ITGAE: variants seen among roughly 807,000 people sequenced by gnomAD.
The protein encoded by ITGAE is integrin subunit alpha E.
Under a neutral mutation model 136.5 loss-of-function variants are expected in ITGAE, and 99 were observed. The ratio of observed to expected loss-of-function variants is 0.73; its 90% CI spans 0.62 to 0.86. The LOEUF is 0.86. Among genes scored for constraint, ITGAE ranks in the 40% least tolerant of loss-of-function variants. ITGAE has a pLI of 0.00. For synonymous variants in ITGAE, 613 were observed against 591.8 expected, an observed-to-expected ratio of 1.04 and a Z score of -0.52; for missense variants, 1,447 against 1,515.3, an observed-to-expected ratio of 0.95 and a Z score of 0.75.
At position 3,747,902 on chromosome 17, in the gene ITGAE, C is replaced by A; in HGVS notation, c.2155+20G>T. ...AAAGACCATCACACCAGGCAGGGGTCAGCTGGACCATTTTTTTACCTGACT... is the reference window on the plus strand; with the variant it reads ...AAAGACCATCACACCAGGCAGGGGTAAGCTGGACCATTTTTTTACCTGACT... On this transcript the variant is annotated intron_variant, in intron 17 of 30. Coordinates refer to ENST00000263087, the MANE Select transcript of ITGAE (RefSeq NM_002208.5). 6.7e-7 allele frequency: 1 copy of A among 1,494,898 alleles called. No homozygotes were observed. Among genetic ancestry groups the A allele is most frequent in the South Asian group, 1.1e-5 (1 of 89,270 alleles). The allele number at this position is 1,494,898 out of a possible 1,614,324, so 92.6% of individuals were successfully genotyped here. A position where few individuals can be genotyped will look rare whatever the true frequency, so the allele number is the denominator to read the frequency against.
chr17:3,738,972 A>G (rs546573068), intron 20 of ITGAE: 1 of 152,414 alleles, frequency 6.6e-6, no homozygotes, highest in African/African-American at 2.4e-5. Flanking sequence ...GCTCACAGCA[A>G]AAGCCCTTCT....
chr17:3,726,125 C>A, intron 26 of ITGAE: 1 of 1,614,200 alleles, frequency 6.2e-7, no homozygotes, highest in Non-Finnish European at 8.5e-7. Context: ...AGGAGAATAA[C>A]AACCGCTGGG....
At position 3,799,295 on chromosome 17, in the gene ITGAE, G is replaced by A. The variant is rs565187481; in HGVS notation, c.34+1816C>T. Among the ~76,000 whole-genome samples, 1 of 152,252 alleles carries A rather than the reference G, an allele frequency of 6.6e-6. No homozygotes were observed. The highest frequency in any genetic ancestry group is 2.4e-5 in the African/African-American group (1 of 41,546). On this transcript the variant is annotated intron_variant, in intron 1 of 30. Coordinates refer to ENST00000263087, the MANE Select transcript of ITGAE (RefSeq NM_002208.5). The surrounding 1 kb of genome is among the most constrained non-coding windows in gnomAD (Gnocchi z 4.1). ...TTTCCGCCACCCACACCGGAGCTGC[G>A]GGGGCCCTGCTCTGGTCCCCTTCCC...
At chr17:3,772,500 G>T (rs1440732804) in intron 2 of ITGAE, among the ~76,000 whole-genome samples, 2 of 137,448 alleles carry the variant, frequency 1.5e-5, no homozygotes, top group African/African-American at 2.9e-5. Context: ...GAGTCTCACT[G>T]TCGCCCAGGC....
intron 26 of ITGAE, chr17:3,726,764 C>G (rs951787932): frequency 6.5e-6 from 1 of 152,730 alleles, no homozygotes; most frequent in African/African-American, 2.5e-5. Context: ...CTTGCTCTGT[C>G]ACCCAGGCTA....
At chr17:3,768,688 G>A (rs1301013397) in intron 2 of ITGAE, among the ~76,000 whole-genome samples, 8 of 152,062 alleles carry the variant, frequency 5.3e-5, no homozygotes, top group Non-Finnish European at 7.4e-5. Context: ...CTACCCAGCC[G>A]TGCCTCACAA....
At chr17:3,746,205 G>T in intron 17 of ITGAE, among the ~76,000 whole-genome samples, 1 of 152,152 alleles carries the variant, frequency 6.6e-6, no homozygotes, top group East Asian at 1.9e-4. Flanking sequence ...CTCGGGAAGG[G>T]GATCGAGATT....
intron 19 of ITGAE, 68 bp downstream of exon 19, chr17:3,743,421 A>C: frequency 6.7e-7 from 1 of 1,482,410 alleles, no homozygotes; most frequent in South Asian, 1.4e-5. Flanking sequence ...CTTGGAAGTT[A>C]GGGGAGCAGG....
chr17:3,767,274 T>C (rs1473580858), intron 2 of ITGAE, among the ~76,000 whole-genome samples: 3 of 152,056 alleles, frequency 2.0e-5, no homozygotes, highest in African/African-American at 7.2e-5. Flanking sequence ...TTTTCGTATT[T>C]TTAGTACAGA....
chr17:3,725,341 A>G, intron 26 of ITGAE: 1 of 1,614,258 alleles, frequency 6.2e-7, no homozygotes, highest in Non-Finnish European at 8.5e-7. Flanking sequence ...GAATGCAGTC[A>G]GAAGGGTCCT....
chr17:3,724,452 G>A, intron 26 of ITGAE: 2 of 1,613,666 alleles, frequency 1.2e-6, no homozygotes, highest in Non-Finnish European at 1.7e-6. Context: ...CAGCTCTCTG[G>A]CCTCGCCCTG....
chr17:3,788,044 G>C (rs2052841541), intron 1 of ITGAE, among the ~76,000 whole-genome samples: 1 of 152,010 alleles, frequency 6.6e-6, no homozygotes, highest in African/African-American at 2.4e-5. Context: ...TGACTATTTT[G>C]ATAATCTCTT....
Position 3,761,191 on chromosome 17 carries a change from C to T in ITGAE, c.434-14G>A. The T allele has an allele frequency of 6.2e-7, 1 of 1,605,426 alleles. No individual in the cohort carries two copies. Among genetic ancestry groups the T allele is most frequent in the Non-Finnish European group, 8.5e-7 (1 of 1,176,470 alleles). On this transcript the variant is annotated splice_polypyrimidine_tract_variant and intron_variant, in intron 5 of 30. Coordinates refer to ENST00000263087, the MANE Select transcript of ITGAE (RefSeq NM_002208.5). Reference sequence around the variant, plus strand: ...CCAGGAGATTTTCTTTAAAAACACACATGGAAGAGCTCAGAGTCAGAAAGG... The same window carrying T: ...CCAGGAGATTTTCTTTAAAAACACATATGGAAGAGCTCAGAGTCAGAAAGG...
At chr17:3,757,928 T>C in intron 8 of ITGAE, 69 bp from the exon 9 acceptor site, 1 of 1,540,892 alleles carries the variant, frequency 6.5e-7, no homozygotes, top group Non-Finnish European at 8.9e-7. Context: ...GGAGAGACTT[T>C]ATTCTCTGAC....
At position 3,757,096 on chromosome 17, in the gene ITGAE, T is replaced by C. The variant is rs140872096; in HGVS notation, c.1059A>G (p.Glu353=). 28 of 1,614,128 alleles carry C rather than the reference T, an allele frequency of 1.7e-5. No homozygotes were observed. The African/African-American group carries it at 3.5e-4, about 20-fold the overall frequency. ...EEFKSARTAR[E]LNLIASDPDE... Reference sequence around the variant, plus strand: ...CCGGGTCTGAGGCGATCAGGTTCAGTTCCCTCGCAGTCCTAGCACTCTTAA... The same window carrying C: ...CCGGGTCTGAGGCGATCAGGTTCAGCTCCCTCGCAGTCCTAGCACTCTTAA... Residue 353 remains glutamate, a synonymous_variant, in exon 10 of 31, where the codon GAA becomes GAG. Transcript: ENST00000263087.
At position 3,797,327 on chromosome 17, in the gene ITGAE, A is replaced by G. The variant is rs547679469; in HGVS notation, c.34+3784T>C. Among the ~76,000 whole-genome samples the G allele has an allele frequency of 3.4e-3, 502 of 148,522 alleles. 5 individuals are homozygous for G. The highest frequency in any genetic ancestry group is 4.9e-3 in the Non-Finnish European group (327 of 67,194). On this transcript the variant is annotated intron_variant, in intron 1 of 30. Coordinates refer to ENST00000263087, the MANE Select transcript of ITGAE (RefSeq NM_002208.5). ...ACTACAGGCACCCGCCACCATGCCC[A>G]GCTAATTTTTTGTGTTTTTAGTAGA...
intron 18 of ITGAE, 94 bp from the exon 19 acceptor site, chr17:3,743,711 T>C (rs1349169202): frequency 2.2e-6 from 3 of 1,368,854 alleles, no homozygotes; most frequent in Non-Finnish European, 2.0e-6. Context: ...TTTTCTTTTT[T>C]TTTTTTTTTG....
chr17:3,789,582 C>G (rs981700487), intron 1 of ITGAE, among the ~76,000 whole-genome samples: 10 of 151,616 alleles, frequency 6.6e-5, no homozygotes, highest in Admixed American at 5.3e-4. Context: ...CTCACTGCAA[C>G]CTCTGCCTCC....
In ITGAE at chr17:3,761,406, G is replaced by C. The variant is rs2052165174; in HGVS notation, c.430C>G (p.Leu144Val). Residue 144 changes from leucine (L) to valine (V), a missense_variant, in exon 5 of 31, where the codon CTT (leucine) becomes GTT (valine). Transcript: ENST00000263087. The stretch of plus-strand genomic sequence containing the variant: ...CCAGTGAATGTCCAATCCTTACCAA[G>C]GTCGAAGAAGTTGGCCTGAGCCTGG... The part of the protein sequence containing the change: ...RPQAQANFFD[L>V]ENLLDPDARV... 1 of 1,610,708 alleles carries C rather than the reference G, an allele frequency of 6.2e-7. No homozygotes were observed. The highest frequency in any genetic ancestry group is 1.3e-5 in the African/African-American group (1 of 74,874).
Sources: allele counts gnomAD v4.1 joint callset (sites outside exome capture counted in the v4.1 genomes callset), GRCh38; gene constraint gnomAD v4.1.1; non-coding constraint Gnocchi (gnomAD v3.1); transcripts MANE v1.5; gene names NCBI Gene and HGNC (gene_info 2026-07-23, HGNC 2026-07-21).